The following ADAM9 variants were observed in gnomAD, a reference collection of about 807,000 sequenced individuals.
The protein encoded by ADAM9 is ADAM metallopeptidase domain 9.
A neutral mutation model predicts 108.1 loss-of-function variants in ADAM9; 54 were observed. That is an observed-to-expected ratio of 0.50 (90% CI 0.40 to 0.63). The LOEUF (loss-of-function observed/expected upper bound fraction) is 0.63, where lower values mean the gene tolerates loss of function less well. Ranked by LOEUF, ADAM9 falls within the 20% of genes least tolerant of loss-of-function variation. The pLI is 0.00. For missense variants in ADAM9, 830 were observed against 997.7 expected, an observed-to-expected ratio of 0.83 and a Z score of 2.26; for synonymous variants, 316 against 336.0, an observed-to-expected ratio of 0.94 and a Z score of 0.65.
intron 2 of ADAM9, among the ~76,000 whole-genome samples, chr8:39,011,272 A>T (rs966886337): frequency 6.6e-6 from 1 of 152,214 alleles, no homozygotes; most frequent in Admixed American, 6.5e-5. Flanking sequence ...TTTTAACTTT[A>T]TATAAGTAGA....
At chr8:39,028,652 A>T (rs1837001869) in intron 11 of ADAM9, among the ~76,000 whole-genome samples, 1 of 152,228 alleles carries the variant, frequency 6.6e-6, no homozygotes, top group South Asian at 2.1e-4. Flanking sequence ...AACTTGTCAA[A>T]CATTTATTGA....
intron 3 of ADAM9, among the ~76,000 whole-genome samples, chr8:39,012,018 G>A (rs1241065820): frequency 1.3e-5 from 2 of 152,174 alleles, no homozygotes; most frequent in African/African-American, 4.8e-5. Context: ...ACTGAATAGG[G>A]TCCAATTACT....
At chr8:39,088,099 A>T (rs1459349246) in intron 18 of ADAM9, among the ~76,000 whole-genome samples, 1 of 152,182 alleles carries the variant, frequency 6.6e-6, no homozygotes, top group African/African-American at 2.4e-5. Context: ...ATCTTCCTGT[A>T]GAGTAGGCTG....
chr8:39,026,996 G>A (rs1371895592), intron 11 of ADAM9, among the ~76,000 whole-genome samples, 186 bp downstream of exon 11: 1 of 151,522 alleles, frequency 6.6e-6, no homozygotes, highest in Non-Finnish European at 1.5e-5. Flanking sequence ...GATTTAGGGG[G>A]TACATGTGGA....
chr8:39,090,052 A>T lies in ADAM9; in HGVS notation c.2074A>T (p.Asn692Tyr), dbSNP rs201381097. ...VDSGPTYNEM[N>Y]TALRDGLLVF... Reference sequence around the variant, plus strand: ...TGTAAAATTCTTCTCTCTAGAAATGAATACTGCATTGAGGGACGGACTTCT... The same window carrying T: ...TGTAAAATTCTTCTCTCTAGAAATGTATACTGCATTGAGGGACGGACTTCT... Residue 692 changes from asparagine to tyrosine, a missense_variant, in exon 19 of 22, where the codon AAT becomes TAT. This residue lies in a region of ADAM9 where 238 missense variants were observed against 235.7 expected (regional missense o/e 1.01). Coordinates refer to ENST00000487273, the MANE Select transcript of ADAM9 (RefSeq NM_003816.3). The T allele has an allele frequency of 4.3e-6, 7 of 1,613,758 alleles. No homozygotes were observed. Among genetic ancestry groups the T allele is most frequent in the Middle Eastern group, 1.6e-4 (1 of 6,080 alleles).
rs1339562694 is a variant in ADAM9 at position 39,103,720 on chromosome 8, G to T, written c.*20G>T. ...ACTTGATTTTTTTAACCTTCTTTTT[G>T]CAAATGTCTTCAGGGAACTGAGCTA... On this transcript the variant is annotated 3_prime_UTR_variant, in exon 22 of 22. Coordinates refer to ENST00000487273, the MANE Select transcript of ADAM9 (RefSeq NM_003816.3). The T allele has an allele frequency of 1.2e-6, 2 of 1,604,398 alleles. No homozygotes were observed. Among genetic ancestry groups the T allele is most frequent in the African/African-American group, 1.3e-5 (1 of 74,420 alleles).
intron 12 of ADAM9, among the ~76,000 whole-genome samples, chr8:39,044,854 ATG>A (rs550520817): frequency 8.0e-5 from 12 of 150,248 alleles, no homozygotes; most frequent in East Asian, 5.9e-4. Context: ...GGGTGTGTGT[ATG>A]TGTGTGTGTG....
At chr8:39,014,735 C>T (rs1196601388) in intron 4 of ADAM9, 4 of 527,436 alleles carry the variant, frequency 7.6e-6, no homozygotes, top group Non-Finnish European at 1.3e-5. Flanking sequence ...TTTTATTTTT[C>T]TTCTGAACTT....
At chr8:39,091,766 T>C (rs1839363353) in intron 20 of ADAM9, among the ~76,000 whole-genome samples, 1 of 152,104 alleles carries the variant, frequency 6.6e-6, no homozygotes, top group Admixed American at 6.5e-5. Context: ...GGATTACAGG[T>C]ATGAGCCACT....
intron 3 of ADAM9, among the ~76,000 whole-genome samples, chr8:39,013,505 C>CTT (rs370238974): frequency 2.2e-5 from 3 of 135,898 alleles, no homozygotes; most frequent in African/African-American, 5.5e-5. Context: ...TTTTTTTCTC[C>CTT]TTTTTTTTTT....
intron 11 of ADAM9, 95 bp downstream of exon 11, chr8:39,026,905 G>A (rs1836942258): frequency 1.3e-6 from 2 of 1,517,336 alleles, no homozygotes; most frequent in Admixed American, 3.4e-5. Context: ...GGGAAAACAG[G>A]AAATGTTATT....
At chr8:39,026,026 T>C in intron 10 of ADAM9, 142 bp downstream of exon 10, 5 of 799,342 alleles carry the variant, frequency 6.3e-6, no homozygotes, top group Non-Finnish European at 8.5e-6. Context: ...AGATGGGTTC[T>C]TTCCCCAGAG....
rs183304750 is a variant in ADAM9 at position 39,014,606 on chromosome 8, A to G, written c.333+563A>G. ...GGCTTTCTGTGTTTATTACTAGAGCATAAACATTTCTAGTTTTGTTTGAGT... is the reference window on the plus strand; with the variant it reads ...GGCTTTCTGTGTTTATTACTAGAGCGTAAACATTTCTAGTTTTGTTTGAGT... On this transcript the variant is annotated intron_variant, in intron 4 of 21. Transcript: ENST00000487273. 1.0e-5 allele frequency: 7 copies of G among 701,540 alleles called. No homozygotes were observed. The East Asian group carries it at 1.9e-4, about 19-fold the overall frequency. The allele number at this position is 701,540 out of a possible 1,614,324, so 43.5% of individuals were successfully genotyped here. A position where few individuals can be genotyped will look rare whatever the true frequency, so the allele number is the denominator to read the frequency against.
chr8:39,090,865 C>T (rs959443196), intron 19 of ADAM9, among the ~76,000 whole-genome samples: 1 of 152,164 alleles, frequency 6.6e-6, no homozygotes, highest in African/African-American at 2.4e-5. Flanking sequence ...CTAAAACTTA[C>T]CTATTACCTT....
chr8:39,033,948 C>A (rs548003967), intron 11 of ADAM9, among the ~76,000 whole-genome samples: 2 of 152,140 alleles, frequency 1.3e-5, no homozygotes, highest in Non-Finnish European at 2.9e-5. Context: ...CAAGTGATCA[C>A]ATGTATCCTG....
At position 39,052,582 on chromosome 8, in the gene ADAM9, A is replaced by C. The variant is rs114178058; in HGVS notation, c.1303-1899A>C. On this transcript the variant is annotated intron_variant, in intron 12 of 21. Transcript: ENST00000487273. ...TCTACAAATTATTTTAGTTTTTTTT[A>C]AATTTAAAATTTTTATGTTAACTCT... Among the ~76,000 whole-genome samples the C allele has an allele frequency of 3.2e-3, 486 of 152,170 alleles. 3 individuals are homozygous for C. Among genetic ancestry groups the C allele is most frequent in the African/African-American group, 0.011 (472 of 41,532 alleles).
rs185113198 is a variant in ADAM9 at position 39,088,548 on chromosome 8, C to T, written c.2069-1499C>T. 2.5e-3 allele frequency among the ~76,000 whole-genome samples: 382 copies of T among 152,190 alleles called. 5 individuals are homozygous for T. The highest frequency in any genetic ancestry group is 8.8e-3 in the African/African-American group (367 of 41,530). On this transcript the variant is annotated intron_variant, in intron 18 of 21. Coordinates refer to ENST00000487273, the MANE Select transcript of ADAM9 (RefSeq NM_003816.3). Reference sequence around the variant, plus strand: ...CTGGGATTACAGGTGTGAGCCACTGCGCCCGGCCAGTTTTATACAACTTTT... The same window carrying T: ...CTGGGATTACAGGTGTGAGCCACTGTGCCCGGCCAGTTTTATACAACTTTT...
chr8:39,019,273 G>A (rs1166168435), intron 7 of ADAM9, among the ~76,000 whole-genome samples: 1 of 152,120 alleles, frequency 6.6e-6, no homozygotes, highest in East Asian at 1.9e-4. Flanking sequence ...GGCTTTGTTG[G>A]CTAATAAAAT....
intron 1 of ADAM9, among the ~76,000 whole-genome samples, chr8:39,004,084 A>G (rs141363454): frequency 6.8e-4 from 103 of 152,278 alleles, no homozygotes; most frequent in African/African-American, 2.4e-3. Context: ...AGAACTACAG[A>G]TGCTTTATTT....
Sources: allele counts gnomAD v4.1 joint callset (sites outside exome capture counted in the v4.1 genomes callset), GRCh38; gene constraint gnomAD v4.1.1; regional missense constraint gnomAD v4.1.1; transcripts MANE v1.5; gene names NCBI Gene and HGNC (gene_info 2026-07-23, HGNC 2026-07-21).